The following NELL1 variants were observed in gnomAD, a reference collection of about 807,000 sequenced individuals.
The protein encoded by NELL1 is neural EGFL like 1.
In NELL1, 76 loss-of-function variants were observed where a neutral mutation model predicts 107.4. The observed-to-expected ratio is 0.71, with a 90% confidence interval of 0.59 to 0.86. The LOEUF is 0.86. NELL1 is among the 40% of genes least tolerant of loss of function. The pLI, the probability that NELL1 is intolerant of heterozygous loss-of-function variation, is 0.00. For synonymous variants in NELL1, 353 were observed against 341.2 expected (o/e 1.03, Z -0.38); for missense variants, 1,024 against 1,005.5 (o/e 1.02, Z -0.25).
intron 15 of NELL1, among the ~76,000 whole-genome samples, chr11:21,510,838 A>G (rs1480579103): frequency 2.0e-5 from 3 of 152,132 alleles, no homozygotes; most frequent in African/African-American, 7.2e-5. Context: ...AGCTAAGACC[A>G]CCTTGGCTAT....
rs951185961 is a variant in NELL1, at chr11:20,830,220, C to T, written c.336-17363C>T. 5.4e-5 allele frequency among the ~76,000 whole-genome samples: 8 copies of T among 149,322 alleles called. No individual in the cohort carries two copies. The South Asian group carries it at 1.1e-3, about 20-fold the overall frequency. ...TTGGGAGATGGAGGTTGTAGTGAGC[C>T]AAGACCCAGACTGGTGACAGAGTGA... On this transcript the variant is annotated intron_variant, in intron 3 of 19. Transcript: ENST00000357134.
intron 14 of NELL1, among the ~76,000 whole-genome samples, chr11:21,249,088 A>G (rs946299211): frequency 1.3e-5 from 2 of 152,148 alleles, no homozygotes; most frequent in Non-Finnish European, 2.9e-5. Context: ...ACCCCATTTA[A>G]TCAGTTTCTG....
chr11:21,425,092 G>T (rs1852786395), intron 15 of NELL1, among the ~76,000 whole-genome samples: 1 of 152,102 alleles, frequency 6.6e-6, no homozygotes, highest in Admixed American at 6.6e-5. Flanking sequence ...ACATGACCAA[G>T]TGGGATTTAT....
chr11:21,397,018 T>C (rs1241768186), intron 15 of NELL1, among the ~76,000 whole-genome samples: 1 of 151,696 alleles, frequency 6.6e-6, no homozygotes, highest in Admixed American at 6.6e-5. Flanking sequence ...TATTAAATAG[T>C]AGCAGAGTTG....
chr11:21,470,488 T>G (rs1854148938), intron 15 of NELL1, among the ~76,000 whole-genome samples: 1 of 152,224 alleles, frequency 6.6e-6, no homozygotes, highest in East Asian at 1.9e-4. Context: ...TATGTACATG[T>G]TCCCCTGCTC....
chr11:20,990,662 C>G (rs1325380451), intron 12 of NELL1, among the ~76,000 whole-genome samples: 1 of 152,192 alleles, frequency 6.6e-6, no homozygotes, highest in Non-Finnish European at 1.5e-5. Flanking sequence ...TCCTTCTGAG[C>G]TAGTGACTCA....
At chr11:21,291,054 G>A (rs1200126813) in intron 14 of NELL1, among the ~76,000 whole-genome samples, 1 of 152,084 alleles carries the variant, frequency 6.6e-6, no homozygotes, top group Admixed American at 6.5e-5. Flanking sequence ...TGAGCTAAAG[G>A]AGCATGTTCT....
At chr11:21,540,746 C>T (rs1357294997) in intron 16 of NELL1, among the ~76,000 whole-genome samples, 1 of 152,072 alleles carries the variant, frequency 6.6e-6, no homozygotes, top group Admixed American at 6.6e-5. Context: ...AACATCTACT[C>T]CCATGATTGA....
In NELL1 at chr11:21,326,065, TTTTTTTTTTTTTTTTTG is replaced by T. The variant is rs1199952182; in HGVS notation, c.1550-44787_1550-44771del. Among the ~76,000 whole-genome samples the T allele has an allele frequency of 1.7e-4, 21 of 120,184 alleles. 1 individual carries two copies. The highest frequency in any genetic ancestry group is 5.3e-4 in the Admixed American group (6 of 11,378). The allele number at this position is 120,184 out of a possible 152,430, so 78.8% of individuals were successfully genotyped here. ...TTAATCCTAGTTTTTTTTTTTTTTT[TTTTTTTTTTTTTTTTTG>T]GGCTATTTTGAGTAAAGCTTAAATG... On this transcript the variant is annotated intron_variant, in intron 14 of 19. Coordinates refer to ENST00000357134, the MANE Select transcript of NELL1 (RefSeq NM_006157.5).
Position 21,174,649 on chromosome 11 carries a change from G to A in NELL1, c.1427-54683G>A, listed in dbSNP as rs187969406. Among the ~76,000 whole-genome samples the A allele has an allele frequency of 3.6e-4, 55 of 151,686 alleles. 1 individual carries two copies. The highest frequency in any genetic ancestry group is 1.3e-3 in the African/African-American group (53 of 41,122). Reference sequence around the variant, plus strand: ...ACATTGTGAAGGAGGGAAGGAGGAGGAAGAAGTGATAATTCATCCTGGTTT... The same window carrying A: ...ACATTGTGAAGGAGGGAAGGAGGAGAAAGAAGTGATAATTCATCCTGGTTT... On this transcript the variant is annotated intron_variant, in intron 13 of 19. Transcript: ENST00000357134.
At chr11:20,789,217 G>GCT (rs1857027708) in intron 3 of NELL1, among the ~76,000 whole-genome samples, 1 of 152,212 alleles carries the variant, frequency 6.6e-6, no homozygotes, top group African/African-American at 2.4e-5. Context: ...TACTGGCCTA[G>GCT]GTGTCATGCC....
chr11:21,388,871 A>G (rs1851804895), intron 15 of NELL1, among the ~76,000 whole-genome samples: 1 of 151,868 alleles, frequency 6.6e-6, no homozygotes, highest in Non-Finnish European at 1.5e-5. Context: ...AACAGTTTGG[A>G]AATTTCTGAA....
At chr11:20,849,791 T>G (rs1046467406) in intron 4 of NELL1, among the ~76,000 whole-genome samples, 4 of 152,182 alleles carry the variant, frequency 2.6e-5, no homozygotes, top group African/African-American at 9.7e-5. Context: ...GATTTTCATG[T>G]AGGAAAAGGC....
At chr11:21,354,992 T>C (rs11823843) in intron 14 of NELL1, among the ~76,000 whole-genome samples, 10,388 of 152,248 alleles carry the variant, frequency 0.068, 511 homozygotes, top group African/African-American at 0.13. Flanking sequence ...CAGGCTCCCA[T>C]TTCCTAGTGC....
At chr11:21,306,818 G>A (rs958462041) in intron 14 of NELL1, among the ~76,000 whole-genome samples, 2 of 152,032 alleles carry the variant, frequency 1.3e-5, no homozygotes, top group African/African-American at 2.4e-5. Context: ...GTTTGTGAAA[G>A]TTTTTCATTA....
At chr11:21,553,446 T>C (rs532572856) in intron 16 of NELL1, among the ~76,000 whole-genome samples, 13 of 151,978 alleles carry the variant, frequency 8.6e-5, no homozygotes, top group Middle Eastern at 3.4e-3. Flanking sequence ...ATCCCAAAAC[T>C]AGTTCTTTCC....
Position 21,034,421 on chromosome 11 carries a change from C to A in NELL1, c.1300+73861C>A, listed in dbSNP as rs1323297430. On this transcript the variant is annotated intron_variant, in intron 12 of 19. Transcript: ENST00000357134. The stretch of plus-strand genomic sequence containing the variant: ...TGGATCAAATCAACCACAGAACTCT[C>A]TACCCAAAAATAACAGAATATACAT... Among the ~76,000 whole-genome samples, 7 of 152,120 alleles carry A rather than the reference C, an allele frequency of 4.6e-5. No homozygotes were observed. The East Asian group carries it at 1.3e-3, about 29-fold the overall frequency.
At chr11:21,115,384 G>A (rs1417794722) in intron 13 of NELL1, among the ~76,000 whole-genome samples, 1 of 143,926 alleles carries the variant, frequency 6.9e-6, no homozygotes, top group African/African-American at 2.6e-5. Context: ...ACGCTTTTTT[G>A]TTTTGTTGTG....
chr11:21,264,138 G>A (rs1848592126), intron 14 of NELL1, among the ~76,000 whole-genome samples: 1 of 146,262 alleles, frequency 6.8e-6, no homozygotes. Context: ...CTTAGGAATA[G>A]GGGTGGGAGG....
Sources: allele counts gnomAD v4.1 joint callset (sites outside exome capture counted in the v4.1 genomes callset), GRCh38; gene constraint gnomAD v4.1.1; transcripts MANE v1.5; gene names NCBI Gene and HGNC (gene_info 2026-07-23, HGNC 2026-07-21).